Variants in OTUD7A observed in about 807,000 individuals in gnomAD.
OTUD7A encodes the protein OTU deubiquitinase 7A, also known as OTU domain-containing protein 7A.
Under a neutral mutation model 65.7 loss-of-function variants are expected in OTUD7A, and 12 were observed. That is an observed-to-expected ratio of 0.18 (90% confidence interval 0.12 to 0.30). The LOEUF (loss-of-function observed/expected upper bound fraction) is 0.30. Ranked by LOEUF, OTUD7A falls within the 10% of genes least tolerant of loss-of-function variation. The pLI, the probability that OTUD7A is intolerant of heterozygous loss-of-function variation, is 1.00. For missense variants in OTUD7A, 1,148 were observed against 1,304.8 expected (o/e 0.88, Z 1.85); for synonymous variants, 641 against 586.3 (o/e 1.09, Z -1.35).
intron 1 of OTUD7A, among the ~76,000 whole-genome samples, chr15:31,770,049 G>C (rs1895193648): frequency 6.6e-6 from 1 of 151,902 alleles, no homozygotes. Context: ...TAAGAAACTA[G>C]AAAAAAAGCA....
chr15:31,506,518 C>T (rs1261225409), intron 8 of OTUD7A, among the ~76,000 whole-genome samples: 3 of 151,714 alleles, frequency 2.0e-5, no homozygotes, highest in Non-Finnish European at 2.9e-5. Flanking sequence ...TTTTGGCCTG[C>T]GGTGTTTTGT....
intron 1 of OTUD7A, among the ~76,000 whole-genome samples, chr15:31,783,315 C>T (rs1895589168): frequency 6.6e-6 from 1 of 152,184 alleles, no homozygotes; most frequent in South Asian, 2.1e-4. Flanking sequence ...CTTTTAATGT[C>T]ATGCAGGAAT....
chr15:31,867,266 G>A (rs1038889896), intron 1 of OTUD7A, among the ~76,000 whole-genome samples: 1 of 152,136 alleles, frequency 6.6e-6, no homozygotes, highest in African/African-American at 2.4e-5. Context: ...TCATTTTATA[G>A]GGAAAAATAA....
intron 8 of OTUD7A, among the ~76,000 whole-genome samples, chr15:31,505,712 T>C (rs933904879): frequency 1.3e-5 from 2 of 151,840 alleles, no homozygotes; most frequent in Admixed American, 1.3e-4. Context: ...CTTATAAGTA[T>C]ATTAATAAGA....
intron 12 of OTUD7A, among the ~76,000 whole-genome samples, chr15:31,486,729 C>G (rs8040427): frequency 0.33 from 50,150 of 152,236 alleles, 8,433 homozygotes; most frequent in East Asian, 0.37. Flanking sequence ...GAATCGCGCT[C>G]TCAGTTCCCT....
intron 1 of OTUD7A, among the ~76,000 whole-genome samples, chr15:31,849,552 T>C (rs1341735187): frequency 6.6e-6 from 1 of 152,092 alleles, no homozygotes; most frequent in Non-Finnish European, 1.5e-5. Flanking sequence ...AATAGACAAA[T>C]GGGGTCTAAT....
At position 31,569,998 on chromosome 15, in the gene OTUD7A, GC is replaced by G. The variant is rs766559477; in HGVS notation, c.331+19del. ...CACTGGCCTGGGCGGCTGTGCCTAGGCTCAGTCCCTCAGCGGTACCTTGGGC... is the reference window on the plus strand; with the variant it reads ...CACTGGCCTGGGCGGCTGTGCCTAGGTCAGTCCCTCAGCGGTACCTTGGGC... On this transcript the variant is annotated intron_variant, in intron 4 of 12. Transcript: ENST00000307050. The G allele has an allele frequency of 6.2e-7, 1 of 1,612,546 alleles. No individual in the cohort carries two copies. Among genetic ancestry groups the G allele is most frequent in the African/African-American group, 1.3e-5 (1 of 75,038 alleles).
intron 1 of OTUD7A, among the ~76,000 whole-genome samples, chr15:31,683,990 A>C (rs1362512784): frequency 6.6e-6 from 1 of 152,232 alleles, no homozygotes; most frequent in Non-Finnish European, 1.5e-5. Context: ...TCAAACACTA[A>C]GCATTGGCTC....
chr15:31,734,181 G>A (rs182060149), intron 1 of OTUD7A, among the ~76,000 whole-genome samples: 1 of 152,088 alleles, frequency 6.6e-6, no homozygotes, highest in East Asian at 1.9e-4. Flanking sequence ...AAAATACCAA[G>A]GAATACAGCT....
At chr15:31,860,600 TCTC>T (rs1897692306) in intron 1 of OTUD7A, among the ~76,000 whole-genome samples, 1 of 135,170 alleles carries the variant, frequency 7.4e-6, no homozygotes, top group Non-Finnish European at 1.6e-5. Flanking sequence ...TGCTCAGTAT[TCTC>T]CTCGACCCCA....
intron 5 of OTUD7A, among the ~76,000 whole-genome samples, chr15:31,555,844 C>CTTTTTTTTTTT (rs1555396063): frequency 5.5e-4 from 50 of 90,444 alleles, no homozygotes; most frequent in African/African-American, 3.7e-3. Flanking sequence ...TACCTCTGTT[C>CTTTTTTTTTTT]TTTTTCTTTT....
At chr15:31,751,668 G>A (rs1184664875) in intron 1 of OTUD7A, among the ~76,000 whole-genome samples, 1 of 152,186 alleles carries the variant, frequency 6.6e-6, no homozygotes, top group African/African-American at 2.4e-5. Context: ...CAACCTAGAT[G>A]CCCATCAGTG....
chr15:31,641,742 T>C (rs1292810764), intron 3 of OTUD7A, among the ~76,000 whole-genome samples: 4 of 152,198 alleles, frequency 2.6e-5, no homozygotes, highest in African/African-American at 9.7e-5. Flanking sequence ...AAAAATGCAA[T>C]TGATTTCTCT....
intron 1 of OTUD7A, among the ~76,000 whole-genome samples, chr15:31,803,663 G>A (rs978476868): frequency 3.3e-5 from 5 of 152,236 alleles, no homozygotes; most frequent in Non-Finnish European, 5.9e-5. Flanking sequence ...TGACTCGGAA[G>A]ACTGGCTGGC....
In OTUD7A at chr15:31,570,132, T is replaced by G. The variant is rs759009093; in HGVS notation, c.217A>C (p.Asn73His). 14 of 1,614,050 alleles carry G rather than the reference T, an allele frequency of 8.7e-6. No individual in the cohort carries two copies. The highest frequency in any genetic ancestry group is 8.3e-5 in the Admixed American group (5 of 60,002). Residue 73 changes from asparagine to histidine, a missense_variant, in exon 4 of 13, where the codon AAT (asparagine) becomes CAT (histidine). By Grantham distance (68) the Asn-to-His change is moderately conservative. Around this residue, in one of 6 missense-constraint regions of OTUD7A, gnomAD observed 51 missense variants for 46.9 expected, o/e 1.09. Coordinates refer to ENST00000307050, the MANE Select transcript of OTUD7A (RefSeq NM_001382637.1). The part of the protein sequence containing the change: ...YEQLRQVHTA[N>H]LPHVFNEGRG... ...CCTTCATTGAACACATGTGGCAGAT[T>G]GGCTGTGTGCACCTGGCGGAGCTGC...
At chr15:31,740,208 C>G (rs1181464389) in intron 1 of OTUD7A, among the ~76,000 whole-genome samples, 1 of 152,084 alleles carries the variant, frequency 6.6e-6, no homozygotes, top group Non-Finnish European at 1.5e-5. Context: ...AGGGCAACAG[C>G]CCCAGAGGCT....
chr15:31,502,601 T>C (rs2041485975), intron 9 of OTUD7A, among the ~76,000 whole-genome samples: 1 of 152,194 alleles, frequency 6.6e-6, no homozygotes, highest in South Asian at 2.1e-4. Context: ...ATCACTGTGC[T>C]CACAGGAGAG....
intron 1 of OTUD7A, among the ~76,000 whole-genome samples, chr15:31,769,557 C>T (rs1185033640): frequency 7.9e-5 from 12 of 152,204 alleles, no homozygotes; most frequent in African/African-American, 2.9e-4. Flanking sequence ...ACTAGAACCT[C>T]CCAAATATCC....
chr15:31,623,296 A>G (rs561268614), intron 3 of OTUD7A, among the ~76,000 whole-genome samples: 12 of 152,368 alleles, frequency 7.9e-5, no homozygotes, highest in Admixed American at 6.5e-4. Flanking sequence ...CAAAGCTGTC[A>G]GACTGGGACA....
Sources: gnomAD v4.1 joint callset for allele counts (sites outside exome capture counted in the v4.1 genomes callset) on GRCh38, gnomAD v4.1.1 for gene constraint, gnomAD v4.1.1 regional missense constraint, MANE v1.5 for transcripts, NCBI Gene and HGNC (gene_info 2026-07-23, HGNC 2026-07-21) for gene names.